NUP210L: variants seen among roughly 807,000 people sequenced by gnomAD.
The protein encoded by NUP210L is nucleoporin 210 like.
NUP210L carries 74 observed loss-of-function variants against 208.5 expected under a neutral mutation model. The ratio of observed to expected loss-of-function variants is 0.35; its 90% CI spans 0.29 to 0.43. The LOEUF (loss-of-function observed/expected upper bound fraction) is 0.43. Among genes scored for constraint, NUP210L ranks in the 20% least tolerant of loss-of-function variants. The pLI is 1.00. For missense variants in NUP210L, 1,843 were observed against 2,289.4 expected, an observed-to-expected ratio of 0.81 and a Z score of 3.98; for synonymous variants, 780 against 816.9, an observed-to-expected ratio of 0.95 and a Z score of 0.77.
At chr1:153,996,995 C>T (rs1482349558) in intron 37 of NUP210L, among the ~76,000 whole-genome samples, 1 of 151,342 alleles carries the variant, frequency 6.6e-6, no homozygotes, top group East Asian at 2.0e-4. Context: ...TGGAGTTTCA[C>T]TCTTGTTGCC....
chr1:154,015,456 C>G (rs1387494860), intron 33 of NUP210L, among the ~76,000 whole-genome samples: 1 of 151,896 alleles, frequency 6.6e-6, no homozygotes, highest in African/African-American at 2.4e-5. Context: ...CACAGTGGCT[C>G]ATGCCTGTAA....
rs369482475 is a variant in NUP210L at position 153,995,195 on chromosome 1, T to C, written c.5387-15A>G. 1.1e-4 allele frequency: 169 copies of C among 1,553,202 alleles called. No homozygotes were observed. In the Middle Eastern group the frequency reaches 1.5e-3, roughly 14 times the overall value. Reference sequence around the variant, plus strand: ...TTCACAGTGATCTATACATTGGCCATAACAAAACAAGATAATAGTTAATAG... The same window carrying C: ...TTCACAGTGATCTATACATTGGCCACAACAAAACAAGATAATAGTTAATAG... On this transcript the variant is annotated splice_polypyrimidine_tract_variant and intron_variant, in intron 37 of 39. Transcript: ENST00000368559.
At chr1:154,102,502 G>A (rs992752302) in intron 13 of NUP210L, among the ~76,000 whole-genome samples, 10 of 152,128 alleles carry the variant, frequency 6.6e-5, no homozygotes, top group African/African-American at 2.2e-4. Flanking sequence ...CTTGAACCCG[G>A]GAGTGAGGGT....
intron 27 of NUP210L, among the ~76,000 whole-genome samples, chr1:154,045,155 C>CAG (rs1418080868): frequency 6.6e-6 from 1 of 152,072 alleles, no homozygotes; most frequent in Non-Finnish European, 1.5e-5. Context: ...ATCAGCTGCC[C>CAG]AGTTGATAGG....
At chr1:154,079,203 G>A (rs1049067808) in intron 16 of NUP210L, among the ~76,000 whole-genome samples, 5 of 152,190 alleles carry the variant, frequency 3.3e-5, no homozygotes, top group African/African-American at 9.6e-5. Context: ...AGGCTGCAGT[G>A]AGCTATGACT....
chr1:154,025,545 G>A lies in NUP210L; in HGVS notation c.4119C>T (p.Val1373=), dbSNP rs577952223. 8.7e-6 allele frequency: 14 copies of A among 1,602,994 alleles called. No homozygotes were observed. In the East Asian group the frequency reaches 1.8e-4, roughly 20 times the overall value. The change falls in exon 30 of 40, where the codon GTC becomes GTT. Residue 1373 remains valine, a synonymous_variant. Coordinates refer to ENST00000368559, the Ensembl canonical transcript of NUP210L. ...TTTAGTAAGTCCATGAACTCACCTG[G>A]ACCCCAGTTATGGTTGTTTGGTTGA...
intron 35 of NUP210L, among the ~76,000 whole-genome samples, chr1:154,005,950 G>A (rs894648846): frequency 2.0e-5 from 3 of 151,798 alleles, no homozygotes; most frequent in South Asian, 2.1e-4. Context: ...TCGAACTCCC[G>A]ACCTCAGGTA....
chr1:154,108,626 G>A (rs1310009611), intron 12 of NUP210L, among the ~76,000 whole-genome samples: 2 of 151,570 alleles, frequency 1.3e-5, no homozygotes. Flanking sequence ...ACATACCACT[G>A]GAGAAAATCA....
At chr1:154,083,560 T>C (rs1655462109) in intron 16 of NUP210L, among the ~76,000 whole-genome samples, 2 of 152,256 alleles carry the variant, frequency 1.3e-5, no homozygotes, top group South Asian at 2.1e-4. Flanking sequence ...CTGTGAGATC[T>C]GACAGTAACT....
intron 2 of NUP210L, among the ~76,000 whole-genome samples, chr1:154,147,429 C>T (rs541668026): frequency 2.6e-5 from 4 of 152,180 alleles, no homozygotes; most frequent in Admixed American, 6.5e-5. Flanking sequence ...CCTCAAACTC[C>T]TGGACTCAAG....
intron 27 of NUP210L, among the ~76,000 whole-genome samples, chr1:154,032,891 T>C (rs374138628): frequency 6.7e-5 from 10 of 149,694 alleles, no homozygotes; most frequent in African/African-American, 2.2e-4. Flanking sequence ...GCACTCCAGA[T>C]TGCGCCACTG....
chr1:154,057,053 A>G, intron 22 of NUP210L, 106 bp from the exon 23 acceptor site: 4 of 1,103,274 alleles, frequency 3.6e-6, no homozygotes, highest in Non-Finnish European at 5.2e-6. Context: ...ATCTCAGCTC[A>G]TTGCAGCCTC....
intron 33 of NUP210L, among the ~76,000 whole-genome samples, chr1:154,016,696 C>A (rs1261218861): frequency 1.3e-5 from 2 of 152,204 alleles, no homozygotes; most frequent in African/African-American, 4.8e-5. Flanking sequence ...GTAATCCCAG[C>A]ACTTTGGGAG....
chr1:154,154,592 C>G (rs1003107586), intron 1 of NUP210L, among the ~76,000 whole-genome samples: 1 of 152,186 alleles, frequency 6.6e-6, no homozygotes, highest in Non-Finnish European at 1.5e-5. Flanking sequence ...GCCAGTCCCA[C>G]ATCCCGAGAA....
In NUP210L at chr1:153,995,195, T is replaced by G; in HGVS notation, c.5387-15A>C. The G allele has an allele frequency of 2.6e-6, 4 of 1,553,316 alleles. No individual in the cohort carries two copies. Among genetic ancestry groups the G allele is most frequent in the Non-Finnish European group, 2.7e-6 (3 of 1,130,160 alleles). ...TTCACAGTGATCTATACATTGGCCATAACAAAACAAGATAATAGTTAATAG... is the reference window on the plus strand; with the variant it reads ...TTCACAGTGATCTATACATTGGCCAGAACAAAACAAGATAATAGTTAATAG... On this transcript the variant is annotated splice_polypyrimidine_tract_variant and intron_variant, in intron 37 of 39. Transcript: ENST00000368559.
chr1:154,067,458 C>T (rs1311225172), intron 17 of NUP210L, among the ~76,000 whole-genome samples: 1 of 152,092 alleles, frequency 6.6e-6, no homozygotes, highest in African/African-American at 2.4e-5. Context: ...ATAATAAGAG[C>T]TATTTATGAC....
intron 35 of NUP210L, among the ~76,000 whole-genome samples, chr1:154,006,851 T>C (rs1230423011): frequency 7.1e-6 from 1 of 139,890 alleles, no homozygotes; most frequent in Non-Finnish European, 1.5e-5. Flanking sequence ...TGTATATATA[T>C]AAATATATAC....
intron 15 of NUP210L, among the ~76,000 whole-genome samples, chr1:154,094,213 G>A (rs1287379762): frequency 6.6e-6 from 1 of 152,142 alleles, no homozygotes; most frequent in Non-Finnish European, 1.5e-5. Flanking sequence ...AACCCGGAAG[G>A]CAGAGGTTGC....
chr1:154,036,987 T>G (rs898301671), intron 27 of NUP210L, among the ~76,000 whole-genome samples: 4 of 152,046 alleles, frequency 2.6e-5, no homozygotes, highest in African/African-American at 9.7e-5. Flanking sequence ...GGTCTCAAAC[T>G]ACTGAGCTCA....
Sources: allele counts gnomAD v4.1 joint callset (sites outside exome capture counted in the v4.1 genomes callset), GRCh38; gene constraint gnomAD v4.1.1; transcripts MANE v1.5; gene names NCBI Gene and HGNC (gene_info 2026-07-23, HGNC 2026-07-21).